TTBK2: variants seen among roughly 807,000 people sequenced by gnomAD.
TTBK2 encodes the protein tau-tubulin kinase 2.
A neutral mutation model predicts 110.8 loss-of-function variants in TTBK2; 28 were observed. That is an observed-to-expected ratio of 0.25 (90% CI 0.19 to 0.35). The LOEUF is 0.35. TTBK2 is among the 10% of genes least tolerant of loss of function. The pLI, the probability that TTBK2 is intolerant of heterozygous loss-of-function variation, is 1.00. For synonymous variants in TTBK2, 532 were observed against 527.3 expected (o/e 1.01, Z -0.12); for missense variants, 1,369 against 1,500.3 (o/e 0.91, Z 1.45).
chr15:42,775,241 T>C lies in TTBK2; in HGVS notation c.1892A>G (p.Glu631Gly). Reference sequence around the variant, plus strand: ...GAGTTCCAGCCTATCTGTATATTGTTCTGAAGCAGCAGTAGGAGGACCCTC... The same window carrying C: ...GAGTTCCAGCCTATCTGTATATTGTCCTGAAGCAGCAGTAGGAGGACCCTC... ...SAEGPPTAAS[E>G]QYTDRLELQP... Residue 631 changes from glutamate (E) to glycine (G), a missense_variant, in exon 13 of 15, where the codon GAA (glutamate) becomes GGA (glycine). This residue lies in a region of TTBK2 where 1,097 missense variants were observed against 1,114.7 expected (regional missense o/e 0.98). Coordinates refer to ENST00000267890, the MANE Select transcript of TTBK2 (RefSeq NM_173500.4). 6.2e-7 allele frequency: 1 copy of C among 1,614,210 alleles called. No individual in the cohort carries two copies. The highest frequency in any genetic ancestry group is 8.5e-7 in the Non-Finnish European group (1 of 1,180,026).
chr15:42,760,927 C>G (rs2140654514), intron 13 of TTBK2, among the ~76,000 whole-genome samples: 1 of 152,270 alleles, frequency 6.6e-6, no homozygotes, highest in Middle Eastern at 3.4e-3. Context: ...TACCTAATTT[C>G]AAATTATACT....
At chr15:42,790,679 A>G (rs1303918126) in intron 10 of TTBK2, among the ~76,000 whole-genome samples, 1 of 147,536 alleles carries the variant, frequency 6.8e-6, no homozygotes, top group Non-Finnish European at 1.5e-5. Context: ...ACCTTTTTAA[A>G]TGCTCTTAGT....
At chr15:42,769,805 T>C (rs886874263) in intron 13 of TTBK2, among the ~76,000 whole-genome samples, 6 of 152,144 alleles carry the variant, frequency 3.9e-5, no homozygotes, top group Admixed American at 1.3e-4. Flanking sequence ...AAGACACATG[T>C]ACATGTATGT....
chr15:42,753,068 G>T lies in TTBK2; in HGVS notation c.2178C>A (p.Ser726Arg). The T allele has an allele frequency of 6.2e-7, 1 of 1,610,854 alleles. No homozygotes were observed. The highest frequency in any genetic ancestry group is 1.3e-5 in the African/African-American group (1 of 74,822). The change falls in exon 14 of 15, where the codon AGC becomes AGA. Residue 726 changes from serine (S) to arginine (R), a missense_variant. Physicochemically the swap from Ser to Arg is moderately radical, Grantham distance 110. This residue lies in a region of TTBK2 where 1,097 missense variants were observed against 1,114.7 expected (regional missense o/e 0.98). Coordinates refer to ENST00000267890, the MANE Select transcript of TTBK2 (RefSeq NM_173500.4). ...VTEGEPPSGG[S>R]RTDLGLQIDH... ...CTATCTGAAGCCCCAAATCTGTTCT[G>T]CTTCCTCCACTAGGAGGTTCACCCT...
chr15:42,874,070 A>AT (rs1206648861), intron 2 of TTBK2, among the ~76,000 whole-genome samples: 6 of 152,124 alleles, frequency 3.9e-5, no homozygotes, highest in Admixed American at 1.3e-4. Flanking sequence ...ATTGCCTTGT[A>AT]TTTTTTAAAT....
chr15:42,860,067 A>G (rs904970777), intron 3 of TTBK2, among the ~76,000 whole-genome samples: 1 of 152,152 alleles, frequency 6.6e-6, no homozygotes, highest in African/African-American at 2.4e-5. Context: ...ACAAAAAAAG[A>G]AAACAAAGAA....
intron 3 of TTBK2, among the ~76,000 whole-genome samples, chr15:42,865,509 ATACT>A (rs376888917): frequency 8.2e-6 from 1 of 121,404 alleles, no homozygotes; most frequent in African/African-American, 4.6e-5. Context: ...AAAAATAATA[ATACT>A]AAAAAAAAAA....
intron 3 of TTBK2, among the ~76,000 whole-genome samples, chr15:42,858,896 A>C (rs1037541862): frequency 1.8e-4 from 27 of 152,184 alleles, no homozygotes; most frequent in African/African-American, 6.0e-4. Flanking sequence ...TGTGAGTTTT[A>C]TCTCCAGGAG....
intron 1 of TTBK2, among the ~76,000 whole-genome samples, chr15:42,903,316 T>C (rs1030185915): frequency 2.0e-5 from 3 of 152,104 alleles, no homozygotes; most frequent in Non-Finnish European, 2.9e-5. Flanking sequence ...GAGTTTCCAT[T>C]TAGAAAAATG....
chr15:42,834,552 C>T (rs1892913019), intron 4 of TTBK2, among the ~76,000 whole-genome samples: 1 of 152,062 alleles, frequency 6.6e-6, no homozygotes, highest in Non-Finnish European at 1.5e-5. Flanking sequence ...CTGCTGCAGC[C>T]TAGTCCTAAC....
intron 1 of TTBK2, among the ~76,000 whole-genome samples, chr15:42,917,772 C>T (rs565848409): frequency 6.6e-6 from 1 of 151,554 alleles, no homozygotes; most frequent in South Asian, 2.1e-4. Context: ...TGCAATATTA[C>T]TAATCAAACA....
At chr15:42,814,944 G>C (rs1389436358) in intron 7 of TTBK2, among the ~76,000 whole-genome samples, 4 of 152,282 alleles carry the variant, frequency 2.6e-5, no homozygotes, top group Non-Finnish European at 4.4e-5. Flanking sequence ...AAGGCTTTTA[G>C]AAGAAATTGC....
At chr15:42,846,362 G>A (rs1893466315) in intron 3 of TTBK2, among the ~76,000 whole-genome samples, 1 of 151,696 alleles carries the variant, frequency 6.6e-6, no homozygotes. Context: ...GCTAATTTTT[G>A]TATTTTTAGT....
chr15:42,778,702 C>A (rs900897225), intron 11 of TTBK2, among the ~76,000 whole-genome samples: 1 of 151,540 alleles, frequency 6.6e-6, no homozygotes, highest in African/African-American at 2.4e-5. Context: ...CAAAACAAAC[C>A]CAGCAAGATA....
intron 13 of TTBK2, among the ~76,000 whole-genome samples, chr15:42,773,805 T>C (rs1444876871): frequency 1.3e-5 from 2 of 151,948 alleles, no homozygotes; most frequent in Non-Finnish European, 2.9e-5. Flanking sequence ...GGAGAAAGGA[T>C]GAAGCAGGGA....
chr15:42,817,118 G>T (rs1485169042), intron 6 of TTBK2, 21 bp from the exon 7 acceptor site: 7 of 1,594,448 alleles, frequency 4.4e-6, no homozygotes, highest in South Asian at 2.2e-5. Context: ...GCCATGCAAA[G>T]AATAATAAAT....
Position 42,775,499 on chromosome 15 carries a change from T to A in TTBK2, c.1634A>T (p.Gln545Leu). The A allele has an allele frequency of 6.2e-7, 1 of 1,614,234 alleles. No homozygotes were observed. The highest frequency in any genetic ancestry group is 8.5e-7 in the Non-Finnish European group (1 of 1,180,038). The change falls in exon 13 of 15, where the codon CAA (glutamine) becomes CTA (leucine). Residue 545 changes from glutamine (Q) to leucine (L), a missense_variant. Gln to Leu is a moderately radical substitution (Grantham distance 113). Coordinates refer to ENST00000267890, the MANE Select transcript of TTBK2 (RefSeq NM_173500.4). ...CACCCATTCTTTGGAATCAATTTCT[T>A]GCTTGCAAGAGCTCAGGTTAACAGC... is the stretch of plus-strand genomic sequence containing the variant. ...FIAVNLSSCK[Q>L]EIDSKEWVIV...
At chr15:42,770,001 G>A (rs1260617346) in intron 13 of TTBK2, among the ~76,000 whole-genome samples, 1 of 150,976 alleles carries the variant, frequency 6.6e-6, no homozygotes, top group Non-Finnish European at 1.5e-5. Flanking sequence ...CTATCACAAG[G>A]ACAGAAAACC....
intron 13 of TTBK2, among the ~76,000 whole-genome samples, chr15:42,756,360 C>A (rs1029814139): frequency 6.6e-6 from 1 of 151,896 alleles, no homozygotes. Context: ...CTGAGGTGGG[C>A]GGATCATCTG....
Sources: gnomAD v4.1 joint callset for allele counts (sites outside exome capture counted in the v4.1 genomes callset) on GRCh38, gnomAD v4.1.1 for gene constraint, gnomAD v4.1.1 regional missense constraint, MANE v1.5 for transcripts, NCBI Gene and HGNC (gene_info 2026-07-23, HGNC 2026-07-21) for gene names.